The following HPSE2 variants were observed in gnomAD, a reference collection of about 807,000 sequenced individuals.
The protein encoded by HPSE2 is heparanase 2 (inactive).
Under a neutral mutation model 60.5 loss-of-function variants are expected in HPSE2, and 38 were observed. The observed-to-expected ratio is 0.63, with a 90% confidence interval of 0.48 to 0.82. HPSE2 has a LOEUF of 0.82. Among genes scored for constraint, HPSE2 ranks in the 40% least tolerant of loss-of-function variants. The pLI is 0.00. For missense variants in HPSE2, 713 were observed against 740.4 expected (o/e 0.96, Z 0.43); for synonymous variants, 295 against 293.2 (o/e 1.01, Z -0.06).
chr10:98,983,981 A>C (rs929749308), intron 3 of HPSE2, among the ~76,000 whole-genome samples: 13 of 152,194 alleles, frequency 8.5e-5, no homozygotes, highest in Admixed American at 8.5e-4. Context: ...GAGTAGGTAA[A>C]CAAAGCAGCC....
the HPSE2 span, among the ~76,000 whole-genome samples, chr10:99,312,064 T>C: frequency 6.6e-6 from 1 of 152,280 alleles, no homozygotes; most frequent in Non-Finnish European, 1.5e-5. Context: ...GTGAGGAAGT[T>C]GCCCAGGAAA....
chr10:99,236,288 T>A (rs1849852357), upstream of HPSE2, among the ~76,000 whole-genome samples: 1 of 152,022 alleles, frequency 6.6e-6, no homozygotes, highest in Non-Finnish European at 1.5e-5. Flanking sequence ...ACCGTCTGGG[T>A]ACAGAGCAAA....
intron 3 of HPSE2, among the ~76,000 whole-genome samples, chr10:99,054,883 TG>T (rs1486777400): frequency 6.6e-6 from 1 of 152,018 alleles, no homozygotes; most frequent in Non-Finnish European, 1.5e-5. Flanking sequence ...GCTAATTTTT[TG>T]AATTTTTTTA....
intron 3 of HPSE2, among the ~76,000 whole-genome samples, chr10:99,128,378 C>T (rs1427596019): frequency 3.3e-5 from 5 of 152,084 alleles, no homozygotes; most frequent in Non-Finnish European, 4.4e-5. Flanking sequence ...TATATGTATG[C>T]ATATGTTCAT....
the HPSE2 span, among the ~76,000 whole-genome samples, chr10:99,265,902 C>T: frequency 6.6e-6 from 1 of 152,192 alleles, no homozygotes; most frequent in Non-Finnish European, 1.5e-5. Flanking sequence ...AGGATTTGAC[C>T]TTACCTGGAG....
At chr10:99,020,147 A>G (rs1314402725) in intron 3 of HPSE2, among the ~76,000 whole-genome samples, 1 of 152,096 alleles carries the variant, frequency 6.6e-6, no homozygotes, top group Non-Finnish European at 1.5e-5. Flanking sequence ...ATTTTTCATA[A>G]TTACTTATTG....
intron 5 of HPSE2, among the ~76,000 whole-genome samples, chr10:98,698,852 A>G (rs1162408144): frequency 2.0e-5 from 3 of 152,376 alleles, no homozygotes; most frequent in Middle Eastern, 3.4e-3. Context: ...ATCAGAGACT[A>G]CTACAAACAC....
At chr10:98,798,130 T>A (rs1324671877) in intron 3 of HPSE2, among the ~76,000 whole-genome samples, 2 of 152,152 alleles carry the variant, frequency 1.3e-5, no homozygotes, top group Non-Finnish European at 2.9e-5. Flanking sequence ...GCAGCAGATT[T>A]TTCAGTGGAA....
intron 3 of HPSE2, among the ~76,000 whole-genome samples, chr10:98,823,487 G>A (rs909589741): frequency 4.6e-5 from 7 of 152,094 alleles, no homozygotes; most frequent in South Asian, 2.1e-4. Flanking sequence ...TTAGCTGGGC[G>A]TGGTAGCACA....
chr10:98,543,547 A>T (rs1943550731), intron 9 of HPSE2, among the ~76,000 whole-genome samples: 1 of 152,246 alleles, frequency 6.6e-6, no homozygotes, highest in Non-Finnish European at 1.5e-5. Flanking sequence ...CTGGAAAAAG[A>T]GTCAAGACCC....
the HPSE2 span, among the ~76,000 whole-genome samples, chr10:99,292,138 T>C: frequency 0.85 from 129,770 of 151,822 alleles, 55,802 homozygotes; most frequent in African/African-American, 0.92. Flanking sequence ...GTCCAAAAAG[T>C]AGAAGAGTAT....
At chr10:99,256,259 T>C in the HPSE2 span, among the ~76,000 whole-genome samples, 22 of 149,536 alleles carry the variant, frequency 1.5e-4, no homozygotes, top group Non-Finnish European at 2.8e-4. Context: ...ATTTAGGTCA[T>C]GCAGGCTCCA....
rs1402117044 is a variant in HPSE2 at position 98,895,114 on chromosome 10, C to G, written c.611-151058G>C. On this transcript the variant is annotated intron_variant, in intron 3 of 11. Coordinates refer to ENST00000370552, the MANE Select transcript of HPSE2 (RefSeq NM_021828.5). ...AGGAGTGTTTACCATACCATACTCTCAGACCATCACAGTTTCTGAGAGTAA... is the reference window on the plus strand; with the variant it reads ...AGGAGTGTTTACCATACCATACTCTGAGACCATCACAGTTTCTGAGAGTAA... Among the ~76,000 whole-genome samples the G allele has an allele frequency of 2.0e-5, 3 of 152,034 alleles. No homozygotes were observed. In the East Asian group the frequency reaches 5.8e-4, roughly 29 times the overall value.
At chr10:98,813,150 C>T (rs1951207112) in intron 3 of HPSE2, among the ~76,000 whole-genome samples, 1 of 152,106 alleles carries the variant, frequency 6.6e-6, no homozygotes, top group Non-Finnish European at 1.5e-5. Context: ...TGCTTTCTTC[C>T]TCCCAGGAAA....
chr10:98,686,809 GT>G (rs1947928532), intron 6 of HPSE2, among the ~76,000 whole-genome samples: 1 of 151,882 alleles, frequency 6.6e-6, no homozygotes, highest in Non-Finnish European at 1.5e-5. Flanking sequence ...TATTTCAATT[GT>G]TTCAAATTTA....
chr10:98,586,640 T>C (rs905380137), intron 9 of HPSE2, among the ~76,000 whole-genome samples: 1 of 152,186 alleles, frequency 6.6e-6, no homozygotes, highest in African/African-American at 2.4e-5. Flanking sequence ...TCTGAGACTC[T>C]TTGTAAAATA....
chr10:99,306,523 AAT>A, the HPSE2 span, among the ~76,000 whole-genome samples: 1 of 152,078 alleles, frequency 6.6e-6, no homozygotes, highest in Non-Finnish European at 1.5e-5. Context: ...TTATGTGAAT[AAT>A]ATATCTTTTT....
chr10:98,771,630 A>T (rs1021421632), intron 3 of HPSE2, among the ~76,000 whole-genome samples: 2 of 152,170 alleles, frequency 1.3e-5, no homozygotes, highest in African/African-American at 4.8e-5. Flanking sequence ...GGAGCCAGAG[A>T]TATACTCCTA....
chr10:98,472,770 G>A (rs1326096785), intron 11 of HPSE2, among the ~76,000 whole-genome samples: 2 of 152,136 alleles, frequency 1.3e-5, no homozygotes, highest in Non-Finnish European at 2.9e-5. Context: ...TGGAAGAAAG[G>A]TAAACATATT....
Sources: gnomAD v4.1 joint callset for allele counts (sites outside exome capture counted in the v4.1 genomes callset) on GRCh38, gnomAD v4.1.1 for gene constraint, MANE v1.5 for transcripts, NCBI Gene and HGNC (gene_info 2026-07-23, HGNC 2026-07-21) for gene names.